The following NOS1 variants were observed in gnomAD, a reference collection of about 807,000 sequenced individuals.
NOS1 encodes NOS type I.
A neutral mutation model predicts 164.5 loss-of-function variants in NOS1; 51 were observed. That is an observed-to-expected ratio of 0.31 (90% CI 0.25 to 0.39). The LOEUF is 0.39. NOS1 is among the 10% of genes least tolerant of loss of function. The pLI is 1.00. For missense variants in NOS1, 1,362 were observed against 1,885.6 expected, an observed-to-expected ratio of 0.72 and a Z score of 5.14; for synonymous variants, 719 against 745.8, an observed-to-expected ratio of 0.96 and a Z score of 0.59.
At chr12:117,258,585 G>A (rs1871646915) in intron 15 of NOS1, 130 bp from the exon 16 acceptor site, 1 of 879,346 alleles carries the variant, frequency 1.1e-6, no homozygotes, top group African/African-American at 1.6e-5. Flanking sequence ...GTCAGGAGCG[G>A]TCAGGGGCTC....
At chr12:117,319,916 C>CACCT (rs1261204160) in intron 2 of NOS1, among the ~76,000 whole-genome samples, 1 of 151,734 alleles carries the variant, frequency 6.6e-6, no homozygotes, top group African/African-American at 2.4e-5. Context: ...CCTTAAGGCT[C>CACCT]ACCTGGTCCA....
chr12:117,208,391 C>CGCGTGTGTGTGTGTGTGTGT lies in NOS1; in HGVS notation c.*6917_*6918insACACACACACACACACACGC, dbSNP rs1956472073. 2.5e-6 allele frequency: 2 copies of CGCGTGTGTGTGTGTGTGTGT among 804,546 alleles called. No homozygotes were observed. Among genetic ancestry groups the CGCGTGTGTGTGTGTGTGTGT allele is most frequent in the African/African-American group, 3.8e-5 (2 of 52,866 alleles). 49.8% of individuals were successfully genotyped at this position (804,546 alleles called of 1,614,324 possible). A position where few individuals can be genotyped will look rare whatever the true frequency, so the allele number is the denominator to read the frequency against. ...GGGGGGACGGCCGAGTTTCTGACAG[C>CGCGTGTGTGTGTGTGTGTGT]GTGTGTGTGTGTGTGTGTGTGTGTG... On this transcript the variant is annotated 3_prime_UTR_variant, in exon 29 of 29. Coordinates refer to ENST00000317775, the MANE Select transcript of NOS1 (RefSeq NM_000620.5).
chr12:117,251,527 C>T (rs915659157), intron 17 of NOS1, among the ~76,000 whole-genome samples: 2 of 152,054 alleles, frequency 1.3e-5, no homozygotes, highest in African/African-American at 4.8e-5. Context: ...ATCCCCCCAC[C>T]ACAGCCTCCC....
intron 20 of NOS1, among the ~76,000 whole-genome samples, chr12:117,240,846 C>T (rs1274444862): frequency 6.6e-6 from 1 of 152,102 alleles, no homozygotes; most frequent in Non-Finnish European, 1.5e-5. Flanking sequence ...CAGGACTGCT[C>T]AACTCAAGAG....
intron 3 of NOS1, among the ~76,000 whole-genome samples, chr12:117,306,567 G>A (rs1268760342): frequency 1.3e-5 from 2 of 151,156 alleles, no homozygotes; most frequent in East Asian, 3.9e-4. Context: ...CAACCTCAGA[G>A]AACTAATAAT....
In NOS1 at chr12:117,222,812, A is replaced by T. The variant is rs1158884387; in HGVS notation, c.3878T>A (p.Ile1293Lys). 6.2e-7 allele frequency: 1 copy of T among 1,613,796 alleles called. No homozygotes were observed. Among genetic ancestry groups the T allele is most frequent in the Admixed American group, 1.7e-5 (1 of 59,970 alleles). The change falls in exon 26 of 29, where the codon ATA becomes AAA. Residue 1293 changes from isoleucine (I) to lysine (K), a missense_variant. Ile to Lys is a moderately radical substitution (Grantham distance 102). Around this residue, in one of 4 missense-constraint regions of NOS1, gnomAD observed 737 missense variants for 1,030.3 expected, o/e 0.72. Coordinates refer to ENST00000317775, the MANE Select transcript of NOS1 (RefSeq NM_000620.5). Reference protein sequence around the residue: ...VLVFGCRQSKIDHIYREETLQ... With the variant: ...VLVFGCRQSKKDHIYREETLQ... ...GGTCTCTTCCCTGTAGATATGATCT[A>T]TCTTGGATTGCCGGCACCCGAAGAC...
chr12:117,226,541 A>C (rs1053949122), intron 24 of NOS1, 142 bp downstream of exon 24: 14 of 682,428 alleles, frequency 2.1e-5, no homozygotes, highest in African/African-American at 1.9e-4. Context: ...TTAACAACTA[A>C]GAGAGACGCA....
In NOS1 at chr12:117,330,433, G is replaced by A; in HGVS notation, c.637C>T (p.Leu213=). 6.2e-7 allele frequency: 1 copy of A among 1,614,206 alleles called. No individual in the cohort carries two copies. The highest frequency in any genetic ancestry group is 1.1e-5 in the South Asian group (1 of 91,080). Residue 213 remains leucine, a synonymous_variant, in exon 2 of 29, where the codon CTG becomes TTG. Coordinates refer to ENST00000317775, the MANE Select transcript of NOS1 (RefSeq NM_000620.5). This position sits in a 1 kb window ranked among gnomAD's most constrained non-coding sequence, Gnocchi z 4.6. ...NELLKEIEPV[L]SLLTSGSRGV... is the part of the protein sequence containing the mutation. The stretch of plus-strand genomic sequence containing the variant: ...CTGCTCCCACTGGTGAGAAGGCTCA[G>A]CACAGGCTCTATCTCCTTGAGCAGT...
chr12:117,338,220 CAAAACAAAAA>C (rs1314779671), intron 1 of NOS1, among the ~76,000 whole-genome samples: 39 of 150,244 alleles, frequency 2.6e-4, no homozygotes, highest in African/African-American at 5.9e-4. Flanking sequence ...CTGTCTCAAA[CAAAACAAAAA>C]AAAACAAAAC....
At chr12:117,324,763 GT>G (rs1052507736) in intron 2 of NOS1, among the ~76,000 whole-genome samples, 1 of 146,112 alleles carries the variant, frequency 6.8e-6, no homozygotes, top group African/African-American at 2.8e-5. Flanking sequence ...AGTACAGAAG[GT>G]GCTGAAACTT....
intron 7 of NOS1, among the ~76,000 whole-genome samples, chr12:117,282,098 T>C (rs1873722303): frequency 6.6e-6 from 1 of 152,126 alleles, no homozygotes; most frequent in Non-Finnish European, 1.5e-5. Context: ...TGTTGTCTGC[T>C]GAAGGTCCTA....
At chr12:117,271,640 T>G (rs545058108) in intron 10 of NOS1, among the ~76,000 whole-genome samples, 45 of 152,346 alleles carry the variant, frequency 3.0e-4, no homozygotes, top group African/African-American at 1.1e-3. Flanking sequence ...GTTCTGTGCC[T>G]TAGCTCCTGT....
Position 117,272,380 on chromosome 12 carries a change from C to T in NOS1, c.1839+5G>A, listed in dbSNP as rs756695691. The T allele has an allele frequency of 6.2e-7, 1 of 1,614,144 alleles. No homozygotes were observed. Among genetic ancestry groups the T allele is most frequent in the Non-Finnish European group, 8.5e-7 (1 of 1,180,008 alleles). ...TCCCCTGTGGTGACCAGAGAGGGCCCTTACCTCCAGGATATTGTAGCGGGA... is the reference window on the plus strand; with the variant it reads ...TCCCCTGTGGTGACCAGAGAGGGCCTTTACCTCCAGGATATTGTAGCGGGA... On this transcript the variant is annotated splice_donor_5th_base_variant and intron_variant, in intron 10 of 28. Transcript: ENST00000317775. This position sits in a 1 kb window ranked among gnomAD's most constrained non-coding sequence, Gnocchi z 4.3.
chr12:117,273,236 C>T lies in NOS1; in HGVS notation c.1665-677G>A, dbSNP rs532372059. ...AACTTCTCTTCCTTGAGATCATAAG[C>T]ACCGTGGGGGCAGGGATTGAGTCAG... On this transcript the variant is annotated intron_variant, in intron 9 of 28. Coordinates refer to ENST00000317775, the MANE Select transcript of NOS1 (RefSeq NM_000620.5). Among the ~76,000 whole-genome samples the T allele has an allele frequency of 7.9e-5, 12 of 152,284 alleles. No individual in the cohort carries two copies. In the East Asian group the frequency reaches 1.7e-3, roughly 22 times the overall value.
Position 117,311,578 on chromosome 12 carries a change from T to C in NOS1, c.740A>G (p.Lys247Arg), listed in dbSNP as rs760865385. The change falls in exon 3 of 29, where the codon AAG (lysine) becomes AGG (arginine). Residue 247 changes from lysine (K) to arginine (R), a missense_variant. Coordinates refer to ENST00000317775, the MANE Select transcript of NOS1 (RefSeq NM_000620.5). ...GIQVDRDLDG[K>R]SHKPLPLGVE... ...GCCGAGGGGCAGAGGTTTGTGTGAC[T>C]TGCCGTCCAAATCTCTGAAAGGCAA... The C allele has an allele frequency of 1.5e-5, 24 of 1,611,508 alleles. No individual in the cohort carries two copies. Among genetic ancestry groups the C allele is most frequent in the East Asian group, 2.2e-5 (1 of 44,836 alleles).
At chr12:117,338,343 G>A (rs143253496) in intron 1 of NOS1, among the ~76,000 whole-genome samples, 1 of 151,910 alleles carries the variant, frequency 6.6e-6, no homozygotes, top group East Asian at 1.9e-4. Flanking sequence ...TGAGGCTACC[G>A]TGAGCCAAGA....
chr12:117,258,695 T>C (rs1235612793), intron 15 of NOS1, among the ~76,000 whole-genome samples: 2 of 152,280 alleles, frequency 1.3e-5, no homozygotes, highest in Admixed American at 1.3e-4. Flanking sequence ...CAACTTCCCG[T>C]TGGAGCCTTC....
intron 25 of NOS1, 126 bp from the exon 26 acceptor site, chr12:117,222,989 G>T: frequency 9.2e-7 from 1 of 1,086,574 alleles, no homozygotes. Context: ...ACAAACACTA[G>T]GACAGGCAGA....
intron 27 of NOS1, among the ~76,000 whole-genome samples, chr12:117,219,614 G>A (rs1956668777): frequency 6.6e-6 from 1 of 152,014 alleles, no homozygotes; most frequent in African/African-American, 2.4e-5. Context: ...GCCGGGGTGA[G>A]TTTTAAACTC....
Sources: allele counts gnomAD v4.1 joint callset (sites outside exome capture counted in the v4.1 genomes callset), GRCh38; gene constraint gnomAD v4.1.1; regional missense constraint gnomAD v4.1.1; non-coding constraint Gnocchi (gnomAD v3.1); transcripts MANE v1.5; gene names NCBI Gene and HGNC (gene_info 2026-07-23, HGNC 2026-07-21).